The following DLL3 variants were observed in gnomAD, a reference collection of about 807,000 sequenced individuals.
DLL3 encodes the protein delta like canonical Notch ligand 3, also known as delta-like protein 3.
Under a neutral mutation model 55.0 loss-of-function variants are expected in DLL3, and 49 were observed. The ratio of observed to expected loss-of-function variants is 0.89; its 90% CI spans 0.71 to 1.13. The LOEUF (loss-of-function observed/expected upper bound fraction) is 1.13. Among genes scored for constraint, DLL3 ranks in the 50% most tolerant of loss-of-function variants. The pLI is 0.00. For synonymous variants in DLL3, 421 were observed against 385.2 expected (o/e 1.09, Z -1.09); for missense variants, 962 against 875.5 (o/e 1.10, Z -1.25).
At position 39,500,629 on chromosome 19, in the gene DLL3, C is replaced by T. The variant is rs1250089806; in HGVS notation, c.366C>T (p.Phe122=). 5 of 1,613,732 alleles carry T rather than the reference C, an allele frequency of 3.1e-6. 1 individual carries two copies. The South Asian group carries it at 5.5e-5, about 18-fold the overall frequency. ...CACCCAACCAGGGCACCTTCTCTTT[C>T]ATCATCGAAACCTGGAGAGAGGAGT... ...FRDAWPGTFS[F]IIETWREELG... The change falls in exon 3 of 9, where the codon TTC becomes TTT. Residue 122 remains phenylalanine, a synonymous_variant. Coordinates refer to ENST00000356433, the MANE Select transcript of DLL3 (RefSeq NM_203486.3).
Position 39,508,273 on chromosome 19 carries a change from C to G in DLL3, c.*16C>G. ...CTAGGCCTGACGCGTCTCCTCCATC[C>G]GCACCTGGAGTCAGAGCGTGGATTT... On this transcript the variant is annotated 3_prime_UTR_variant, in exon 9 of 9. Coordinates refer to ENST00000356433, the MANE Select transcript of DLL3 (RefSeq NM_203486.3). 6.2e-7 allele frequency: 1 copy of G among 1,613,894 alleles called. No individual in the cohort carries two copies. The highest frequency in any genetic ancestry group is 8.5e-7 in the Non-Finnish European group (1 of 1,179,958).
In DLL3 at chr19:39,507,473, C is replaced by T; in HGVS notation, c.1528C>T (p.Leu510Phe). The T allele has an allele frequency of 1.9e-6, 3 of 1,594,706 alleles. No individual in the cohort carries two copies. Among genetic ancestry groups the T allele is most frequent in the Non-Finnish European group, 2.6e-6 (3 of 1,171,908 alleles). ...GGCCGCGGGCGTGGCCGGCGCTGCG[C>T]TCTTGCTGGTCCACGTGCGCCGCCG... ...LVAAGVAGAA[L>F]LLVHVRRRGH... The change falls in exon 7 of 9, where the codon CTC (leucine) becomes TTC (phenylalanine). Residue 510 changes from leucine (L) to phenylalanine (F), a missense_variant. By Grantham distance (22) the Leu-to-Phe change is conservative. Coordinates refer to ENST00000356433, the MANE Select transcript of DLL3 (RefSeq NM_203486.3).
At chr19:39,505,086 G>T in intron 5 of DLL3, 143 bp from the exon 6 acceptor site, 1 of 796,642 alleles carries the variant, frequency 1.3e-6, no homozygotes, top group Non-Finnish European at 2.1e-6. Context: ...TCGAGGGGAT[G>T]TCGGGAGGAC....
rs1218227324 is a variant in DLL3 at position 39,508,268 on chromosome 19, C to G, written c.*11C>G. ...TGTTTCTAGGCCTGACGCGTCTCCT[C>G]CATCCGCACCTGGAGTCAGAGCGTG... is the stretch of plus-strand genomic sequence containing the variant. On this transcript the variant is annotated 3_prime_UTR_variant, in exon 9 of 9. Coordinates refer to ENST00000356433, the MANE Select transcript of DLL3 (RefSeq NM_203486.3). 1.2e-6 allele frequency: 2 copies of G among 1,613,976 alleles called. No homozygotes were observed. Among genetic ancestry groups the G allele is most frequent in the Non-Finnish European group, 1.7e-6 (2 of 1,179,986 alleles).
chr19:39,503,131 CA>C, intron 4 of DLL3, 74 bp downstream of exon 4: 1 of 1,456,054 alleles, frequency 6.9e-7, no homozygotes, highest in Non-Finnish European at 9.1e-7. Context: ...TCGCGGCCCC[CA>C]GTCCCCTCTC....
rs768115423 is a variant in DLL3, at chr19:39,505,411, G to C, written c.1053G>C (p.Glu351Asp). The stretch of plus-strand genomic sequence containing the variant: ...CCGGTTTCCAAGGCTCCAACTGTGA[G>C]AAGAGGGTGGACCGGTGCAGCCTGC... ...CPPGFQGSNCEKRVDRCSLQP... is the reference protein window; with the variant it reads ...CPPGFQGSNCDKRVDRCSLQP... The change falls in exon 6 of 9, where the codon GAG becomes GAC. Residue 351 changes from glutamate (E) to aspartate (D), a missense_variant. Coordinates refer to ENST00000356433, the MANE Select transcript of DLL3 (RefSeq NM_203486.3). 6.2e-7 allele frequency: 1 copy of C among 1,614,128 alleles called. No individual in the cohort carries two copies. The highest frequency in any genetic ancestry group is 1.1e-5 in the South Asian group (1 of 91,084).
chr19:39,502,773 G>A (rs1306525015), intron 3 of DLL3, 42 bp from the exon 4 acceptor site: 3 of 1,335,522 alleles, frequency 2.2e-6, no homozygotes, highest in South Asian at 2.1e-5. Flanking sequence ...TCCATGTTCG[G>A]CCGGGCCCAC....
At chr19:39,500,464 G>T in intron 2 of DLL3, 151 bp from the exon 3 acceptor site, 1 of 654,818 alleles carries the variant, frequency 1.5e-6, no homozygotes, top group African/African-American at 1.8e-5. Context: ...TTCCCTCCCT[G>T]GGCTGGTCTG....
chr19:39,506,688 G>A (rs1302568774), intron 6 of DLL3, among the ~76,000 whole-genome samples: 1 of 151,952 alleles, frequency 6.6e-6, no homozygotes, highest in Non-Finnish European at 1.5e-5. Context: ...GAAAAGGTGG[G>A]AAAAAATGTG....
rs1272604224 is a variant in DLL3, at chr19:39,500,661, A to T, written c.398A>T (p.Asp133Val). 1.9e-6 allele frequency: 3 copies of T among 1,613,264 alleles called. No individual in the cohort carries two copies. Among genetic ancestry groups the T allele is most frequent in the Non-Finnish European group, 2.5e-6 (3 of 1,179,598 alleles). Reference sequence around the variant, plus strand: ...GAAACCTGGAGAGAGGAGTTAGGAGACCAGATTGGAGGTGAGTGTCTTCAG... The same window carrying T: ...GAAACCTGGAGAGAGGAGTTAGGAGTCCAGATTGGAGGTGAGTGTCTTCAG... ...IIETWREELG[D>V]QIGGPAWSLL... Residue 133 changes from aspartate (D) to valine (V), a missense_variant, in exon 3 of 9, where the codon GAC (aspartate) becomes GTC (valine). By Grantham distance (152) the Asp-to-Val change is radical. Transcript: ENST00000356433.
Position 39,507,104 on chromosome 19 carries a change from C to T in DLL3, c.1159C>T (p.Arg387Cys). 1.9e-6 allele frequency: 3 copies of T among 1,543,254 alleles called. No homozygotes were observed. The highest frequency in any genetic ancestry group is 1.4e-5 in the African/African-American group (1 of 73,466). The change falls in exon 7 of 9, where the codon CGC becomes TGC. Residue 387 changes from arginine to cysteine, a missense_variant. Coordinates refer to ENST00000356433, the MANE Select transcript of DLL3 (RefSeq NM_203486.3). ...CRCRAGFAGP[R>C]CEHDLDDCAG... ...CTGCCGCGCCGGCTTCGCGGGTCCT[C>T]GCTGCGAGCACGACCTGGACGACTG...
chr19:39,499,178 C>T lies in DLL3; in HGVS notation c.70-14C>T, dbSNP rs1226046410. ...CCTCCCGGCCGCCTCACCCTGCGCCCGTCTCCGTCCCAGACACGGCCCGCT... is the reference window on the plus strand; with the variant it reads ...CCTCCCGGCCGCCTCACCCTGCGCCTGTCTCCGTCCCAGACACGGCCCGCT... On this transcript the variant is annotated splice_polypyrimidine_tract_variant and intron_variant, in intron 1 of 8. Coordinates refer to ENST00000356433, the MANE Select transcript of DLL3 (RefSeq NM_203486.3). 3.1e-6 allele frequency: 5 copies of T among 1,588,532 alleles called. No individual in the cohort carries two copies. The highest frequency in any genetic ancestry group is 4.3e-6 in the Non-Finnish European group (5 of 1,172,016).
Position 39,505,458 on chromosome 19 carries a change from C to T in DLL3, c.1093+7C>T. 6.2e-7 allele frequency: 1 copy of T among 1,613,698 alleles called. No individual in the cohort carries two copies. Among genetic ancestry groups the T allele is most frequent in the Non-Finnish European group, 8.5e-7 (1 of 1,179,780 alleles). ...CTGCAGCCATGCCGCAATGGTGAGG[C>T]CTGGAGGCCTGAACGGCGAGGGATG... On this transcript the variant is annotated splice_region_variant and intron_variant, in intron 6 of 8. Coordinates refer to ENST00000356433, the MANE Select transcript of DLL3 (RefSeq NM_203486.3).
intron 6 of DLL3, among the ~76,000 whole-genome samples, chr19:39,506,485 G>A (rs1436997913): frequency 6.6e-6 from 1 of 152,074 alleles, no homozygotes; most frequent in African/African-American, 2.4e-5. Flanking sequence ...TGGTACTAGG[G>A]ACTCAGCACC....
At position 39,504,179 on chromosome 19, in the gene DLL3, C is replaced by A; in HGVS notation, c.761C>A (p.Thr254Asn). The change falls in exon 5 of 9, where the codon ACC becomes AAC. Residue 254 changes from threonine to asparagine, a missense_variant. By Grantham distance (65) the Thr-to-Asn change is moderately conservative. Coordinates refer to ENST00000356433, the MANE Select transcript of DLL3 (RefSeq NM_203486.3). ...TGPLCTVPVS[T>N]SSCLSPRGPS... ...CCCCTCTGCACGGTCCCTGTCTCCA[C>A]CAGCAGCTGCCTCAGCCCCAGGGGC... The A allele has an allele frequency of 6.2e-7, 1 of 1,612,488 alleles. No individual in the cohort carries two copies. The highest frequency in any genetic ancestry group is 8.5e-7 in the Non-Finnish European group (1 of 1,180,024).
Position 39,499,236 on chromosome 19 carries a change from G to A in DLL3, c.114G>A (p.Gly38=). ...GVFELQIHSF[G]PGPGPGAPRS... ...TCGAGCTGCAGATCCACTCTTTCGG[G>A]CCGGGTCCAGGCCCTGGGGCCCCGC... The change falls in exon 2 of 9, where the codon GGG becomes GGA. Residue 38 remains glycine, a synonymous_variant. Transcript: ENST00000356433. The A allele has an allele frequency of 6.5e-7, 1 of 1,549,996 alleles. No individual in the cohort carries two copies. The highest frequency in any genetic ancestry group is 8.7e-7 in the Non-Finnish European group (1 of 1,152,788).
chr19:39,499,869 T>TTTC (rs1491471847), intron 2 of DLL3, among the ~76,000 whole-genome samples: 1 of 149,430 alleles, frequency 6.7e-6, no homozygotes, highest in African/African-American at 2.5e-5. Context: ...TTTTTTTTTT[T>TTTC]CTGTCCTCAG....
At position 39,507,827 on chromosome 19, in the gene DLL3, C is replaced by A. The variant is rs1218802830; in HGVS notation, c.1674-3C>A. On this transcript the variant is annotated splice_polypyrimidine_tract_variant and splice_region_variant and intron_variant, in intron 7 of 8. Coordinates refer to ENST00000356433, the MANE Select transcript of DLL3 (RefSeq NM_203486.3). ...AGTTTTTCTTCTTTCTCTCCTCCCA[C>A]AGCTCGTCCGTAGATTGGAATCGCC... 4 of 1,614,188 alleles carry A rather than the reference C, an allele frequency of 2.5e-6. No homozygotes were observed. The Admixed American group carries it at 6.7e-5, about 27-fold the overall frequency.
At chr19:39,507,764 G>A (rs1326891987) in intron 7 of DLL3, 66 bp from the exon 8 acceptor site, 41 of 1,608,320 alleles carry the variant, frequency 2.5e-5, no homozygotes, top group South Asian at 2.5e-4. Context: ...CTTTGTGATG[G>A]GTAGGGGAAA....
Sources: allele counts gnomAD v4.1 joint callset (sites outside exome capture counted in the v4.1 genomes callset), GRCh38; gene constraint gnomAD v4.1.1; transcripts MANE v1.5; gene names NCBI Gene and HGNC (gene_info 2026-07-23, HGNC 2026-07-21).